The following MRPS5 variants were observed in gnomAD, a reference collection of about 807,000 sequenced individuals.
MRPS5 encodes the protein small ribosomal subunit protein uS5m.
A neutral mutation model predicts 51.9 loss-of-function variants in MRPS5; 27 were observed. That is an observed-to-expected ratio of 0.52 (90% CI 0.38 to 0.72). The LOEUF (loss-of-function observed/expected upper bound fraction) is 0.72. MRPS5 is among the 30% of genes least tolerant of loss of function. The pLI is 0.00. For missense variants in MRPS5, 570 were observed against 545.7 expected (o/e 1.04, Z -0.44); for synonymous variants, 196 against 193.2 (o/e 1.01, Z -0.12).
At chr2:95,121,941 T>G (rs766607274), upstream of MRPS5, 1,682 of 910,492 alleles carry the variant, frequency 1.8e-3, 5 homozygotes, top group Non-Finnish European at 2.4e-3. Flanking sequence ...GGTGAGGGAC[T>G]GTCCGGACGG....
intron 9 of MRPS5, 138 bp downstream of exon 9, chr2:95,100,699 A>T (rs1357590551): frequency 1.1e-6 from 1 of 887,322 alleles, no homozygotes; most frequent in African/African-American, 1.7e-5. Context: ...TTCTTAGGAG[A>T]TTTGTTTTCA....
Position 95,115,060 on chromosome 2 carries a change from A to G in MRPS5, c.277+6T>C. On this transcript the variant is annotated splice_donor_region_variant and intron_variant, in intron 3 of 11. Coordinates refer to ENST00000272418, the MANE Select transcript of MRPS5 (RefSeq NM_031902.5). ...GAAACAGGAAGTTTGTGGCCATTCT[A>G]CATACATTTAGTGAAGAAACTATAT... The G allele has an allele frequency of 1.3e-6, 2 of 1,527,062 alleles. No homozygotes were observed. The highest frequency in any genetic ancestry group is 1.8e-6 in the Non-Finnish European group (2 of 1,140,232). 94.6% of individuals were successfully genotyped at this position (1,527,062 alleles called of 1,614,324 possible).
chr2:95,121,350 C>A (rs533439607), intron 1 of MRPS5, among the ~76,000 whole-genome samples: 1 of 152,306 alleles, frequency 6.6e-6, no homozygotes, highest in South Asian at 2.1e-4. Context: ...AATCACGGAG[C>A]GTCTCCTAGA....
chr2:95,107,209 A>G (rs1675975551), intron 5 of MRPS5, among the ~76,000 whole-genome samples: 1 of 152,180 alleles, frequency 6.6e-6, no homozygotes, highest in Admixed American at 6.5e-5. Flanking sequence ...CTCTCACTAC[A>G]TTGGATAATT....
At chr2:95,108,643 G>A (rs1676024461) in intron 4 of MRPS5, among the ~76,000 whole-genome samples, 2 of 152,138 alleles carry the variant, frequency 1.3e-5, no homozygotes, top group Admixed American at 6.5e-5. Flanking sequence ...GGACAAGGAC[G>A]TCCACTGAAA....
rs374827945 is a variant in MRPS5, at chr2:95,090,460, T to C, written c.994A>G (p.Met332Val). 3.3e-5 allele frequency: 53 copies of C among 1,613,986 alleles called. No homozygotes were observed. The highest frequency in any genetic ancestry group is 4.2e-5 in the Non-Finnish European group (50 of 1,179,992). ...TICRLIGIKD[M>V]YAKVSGSINM... Reference sequence around the variant, plus strand: ...ATGGACCCAGAGACCTTGGCATACATGTCTTTGATGCCAATGAGCCGGCAG... The same window carrying C: ...ATGGACCCAGAGACCTTGGCATACACGTCTTTGATGCCAATGAGCCGGCAG... Residue 332 changes from methionine (M) to valine (V), a missense_variant, in exon 11 of 12, where the codon ATG (methionine) becomes GTG (valine). Met to Val is a conservative substitution (Grantham distance 21). Coordinates refer to ENST00000272418, the MANE Select transcript of MRPS5 (RefSeq NM_031902.5).
In MRPS5 at chr2:95,087,297, G is replaced by T; in HGVS notation, c.*60C>A. ...GCAAGGTAACATCCCAAGCTGTGAG[G>T]GGCTGAGTCTCTCCTAGGTGCAGGG... On this transcript the variant is annotated 3_prime_UTR_variant, in exon 12 of 12. Coordinates refer to ENST00000272418, the MANE Select transcript of MRPS5 (RefSeq NM_031902.5). 1 of 1,345,008 alleles carries T rather than the reference G, an allele frequency of 7.4e-7. No individual in the cohort carries two copies. Among genetic ancestry groups the T allele is most frequent in the Non-Finnish European group, 1.1e-6 (1 of 950,250 alleles). 83.3% of individuals were successfully genotyped at this position (1,345,008 alleles called of 1,614,324 possible).
At chr2:95,118,648 T>C (rs1360434538) in intron 1 of MRPS5, among the ~76,000 whole-genome samples, 1 of 152,250 alleles carries the variant, frequency 6.6e-6, no homozygotes, top group Non-Finnish European at 1.5e-5. Flanking sequence ...CTGACTGTAC[T>C]GTGTACCCTC....
chr2:95,121,103 G>C (rs1676433552), intron 1 of MRPS5, among the ~76,000 whole-genome samples: 1 of 152,146 alleles, frequency 6.6e-6, no homozygotes, highest in Non-Finnish European at 1.5e-5. Context: ...GGGCGACAGA[G>C]TAAGACTGTC....
At chr2:95,088,805 A>C (rs1193899159) in intron 11 of MRPS5, among the ~76,000 whole-genome samples, 2 of 152,264 alleles carry the variant, frequency 1.3e-5, no homozygotes, top group Non-Finnish European at 1.5e-5. Flanking sequence ...GCGGTGGCTC[A>C]CGCCTGTAAT....
rs1164362042 is a variant in MRPS5, at chr2:95,101,618, C to T, written c.810+59G>A. On this transcript the variant is annotated intron_variant, in intron 8 of 11. Transcript: ENST00000272418. ...TATTGTTTTGTGGTTCCCACTGTGT[C>T]TGGCATATAACTTACTAATCTTTTA... 3.7e-6 allele frequency: 5 copies of T among 1,340,002 alleles called. No homozygotes were observed. In the East Asian group the frequency reaches 9.4e-5, roughly 25 times the overall value. The allele number at this position is 1,340,002 out of a possible 1,614,324, so 83.0% of individuals were successfully genotyped here.
intron 5 of MRPS5, among the ~76,000 whole-genome samples, chr2:95,106,846 C>T (rs1675965633): frequency 6.6e-6 from 1 of 152,106 alleles, no homozygotes; most frequent in African/African-American, 2.4e-5. Flanking sequence ...TTGCTCTCTC[C>T]ACCATACTAG....
chr2:95,105,378 G>A (rs376826162), intron 6 of MRPS5, among the ~76,000 whole-genome samples: 3 of 152,068 alleles, frequency 2.0e-5, no homozygotes, highest in Admixed American at 1.3e-4. Context: ...GTGAAACCCC[G>A]TCTCAACTAA....
intron 2 of MRPS5, among the ~76,000 whole-genome samples, chr2:95,117,205 T>C (rs566801521): frequency 4.5e-4 from 68 of 152,130 alleles, no homozygotes; most frequent in Non-Finnish European, 9.0e-4. Context: ...TCAGCATTTA[T>C]GGTTTTCACC....
chr2:95,121,680 G>GC lies in MRPS5; in HGVS notation c.58+53dup, dbSNP rs879451661. Reference sequence around the variant, plus strand: ...CCCGACTTCTGCAGGCCCCAGGCGAGCCCCCCACTCCCGGCCCGCTCAGAG... The same window carrying GC: ...CCCGACTTCTGCAGGCCCCAGGCGAGCCCCCCCACTCCCGGCCCGCTCAGAG... On this transcript the variant is annotated intron_variant, in intron 1 of 11. Transcript: ENST00000272418. 6.5e-4 allele frequency: 984 copies of GC among 1,508,456 alleles called. 2 individuals carry two copies. The highest frequency in any genetic ancestry group is 8.0e-4 in the Non-Finnish European group (908 of 1,131,776). The allele number at this position is 1,508,456 out of a possible 1,614,324, so 93.4% of individuals were successfully genotyped here.
intron 7 of MRPS5, chr2:95,103,755 G>A (rs1368383651): frequency 1.3e-5 from 2 of 152,134 alleles, no homozygotes; most frequent in African/African-American, 4.8e-5. Context: ...GAATCAAGGA[G>A]AATGTTTATG....
intron 5 of MRPS5, 36 bp from the exon 6 acceptor site, chr2:95,106,493 T>C: frequency 6.4e-7 from 1 of 1,558,010 alleles, no homozygotes; most frequent in Non-Finnish European, 8.9e-7. Flanking sequence ...ACAGATGAAA[T>C]GTGTGTACAC....
intron 2 of MRPS5, among the ~76,000 whole-genome samples, chr2:95,117,512 G>C (rs1676318060): frequency 6.7e-6 from 1 of 148,522 alleles, no homozygotes; most frequent in Non-Finnish European, 1.5e-5. Flanking sequence ...GGACAATGAA[G>C]AGTTAAATTT....
intron 2 of MRPS5, among the ~76,000 whole-genome samples, chr2:95,115,571 G>C (rs888580850): frequency 6.6e-6 from 1 of 152,214 alleles, no homozygotes; most frequent in Non-Finnish European, 1.5e-5. Context: ...ACCTGCAACT[G>C]GCCAGGTCAG....
Sources: gnomAD v4.1 joint callset for allele counts (sites outside exome capture counted in the v4.1 genomes callset) on GRCh38, gnomAD v4.1.1 for gene constraint, MANE v1.5 for transcripts, NCBI Gene and HGNC (gene_info 2026-07-23, HGNC 2026-07-21) for gene names.